ABCC4: variants seen among roughly 807,000 people sequenced by gnomAD.
ABCC4 encodes ATP binding cassette subfamily C member 4 (PEL blood group).
A neutral mutation model predicts 168.5 loss-of-function variants in ABCC4; 102 were observed. That is an observed-to-expected ratio of 0.61 (90% CI 0.52 to 0.71). The LOEUF (loss-of-function observed/expected upper bound fraction) is 0.71. ABCC4 is among the 30% of genes least tolerant of loss of function. The pLI is 0.00. For synonymous variants in ABCC4, 617 were observed against 590.7 expected (o/e 1.04, Z -0.65); for missense variants, 1,402 against 1,605.8 (o/e 0.87, Z 2.17).
chr13:95,158,606 C>T (rs2036960296), intron 19 of ABCC4, among the ~76,000 whole-genome samples: 1 of 152,188 alleles, frequency 6.6e-6, no homozygotes, highest in East Asian at 1.9e-4. Context: ...CTTTTAATAA[C>T]TAAGTATTCA....
intron 19 of ABCC4, among the ~76,000 whole-genome samples, chr13:95,133,540 A>T (rs2139458873): frequency 6.6e-6 from 1 of 152,188 alleles, no homozygotes; most frequent in South Asian, 2.1e-4. Flanking sequence ...CTCAGCACCC[A>T]ATTTGCCTGG....
intron 8 of ABCC4, among the ~76,000 whole-genome samples, chr13:95,206,290 C>T (rs986739354): frequency 3.3e-5 from 5 of 152,204 alleles, no homozygotes; most frequent in Admixed American, 2.0e-4. Flanking sequence ...ACCACCTGTA[C>T]ATCAAAAGCC....
rs190759847 is a variant in ABCC4 at position 95,248,461 on chromosome 13, A to G, written c.75-708T>C. Among the ~76,000 whole-genome samples, 6 of 152,348 alleles carry G rather than the reference A, an allele frequency of 3.9e-5. 1 individual carries two copies. The highest frequency in any genetic ancestry group is 3.9e-4 in the Admixed American group (6 of 15,304). On this transcript the variant is annotated intron_variant, in intron 1 of 30. Coordinates refer to ENST00000645237, the MANE Select transcript of ABCC4 (RefSeq NM_005845.5). Reference sequence around the variant, plus strand: ...CGAAAGGACAAAATAGTAATCTTGCAGAGGACAGAAAGAACTTATTCAAAT... The same window carrying G: ...CGAAAGGACAAAATAGTAATCTTGCGGAGGACAGAAAGAACTTATTCAAAT...
At chr13:95,117,506 C>G (rs926521081) in intron 19 of ABCC4, among the ~76,000 whole-genome samples, 3 of 141,548 alleles carry the variant, frequency 2.1e-5, no homozygotes, top group African/African-American at 8.2e-5. Context: ...GGCAAGAGGT[C>G]AGGCTATTAT....
intron 1 of ABCC4, among the ~76,000 whole-genome samples, chr13:95,281,032 A>G (rs1267761368): frequency 6.6e-6 from 1 of 152,032 alleles, no homozygotes; most frequent in East Asian, 1.9e-4. Flanking sequence ...ACTGGATGCT[A>G]AGAACTTGCA....
At chr13:95,105,539 G>A (rs146984287) in intron 20 of ABCC4, among the ~76,000 whole-genome samples, 1,529 of 152,294 alleles carry the variant, frequency 0.01, 26 homozygotes, top group African/African-American at 0.034. Flanking sequence ...TCACTCAAAT[G>A]TGCATAAAGC....
At chr13:95,114,247 T>C (rs973334054) in intron 20 of ABCC4, among the ~76,000 whole-genome samples, 2 of 152,132 alleles carry the variant, frequency 1.3e-5, no homozygotes, top group African/African-American at 4.8e-5. Flanking sequence ...TTCTAAGAAA[T>C]GTTTTATATT....
intron 9 of ABCC4, among the ~76,000 whole-genome samples, chr13:95,191,363 C>T (rs952143871): frequency 1.2e-4 from 18 of 152,306 alleles, no homozygotes; most frequent in South Asian, 4.1e-4. Flanking sequence ...CAGACCAAAA[C>T]GATCATGATC....
In ABCC4 at chr13:95,044,370, G is replaced by A; in HGVS notation, c.3525C>T (p.Ser1175=). The part of the protein sequence containing the change: ...KMDTELAESG[S]NFSVGQRQLV... ...GTTGTCTTTGTCCAACACTAAAATT[G>A]GATCCTGATTCTGCTAATTCAGTAT... Residue 1175 remains serine (S), a synonymous_variant, in exon 28 of 31, where the codon TCC becomes TCT. Coordinates refer to ENST00000645237, the MANE Select transcript of ABCC4 (RefSeq NM_005845.5). 1.2e-6 allele frequency: 2 copies of A among 1,613,674 alleles called. No homozygotes were observed. The highest frequency in any genetic ancestry group is 1.7e-6 in the Non-Finnish European group (2 of 1,179,828).
intron 27 of ABCC4, among the ~76,000 whole-genome samples, chr13:95,049,014 G>T (rs373228988): frequency 1.3e-4 from 20 of 152,032 alleles, no homozygotes; most frequent in African/African-American, 4.8e-4. Flanking sequence ...CAGTATTTAC[G>T]ATAACTTTCA....
chr13:95,204,411 G>C (rs2038722165), intron 8 of ABCC4, among the ~76,000 whole-genome samples: 1 of 151,522 alleles, frequency 6.6e-6, no homozygotes, highest in Non-Finnish European at 1.5e-5. Flanking sequence ...TCAAGGGTGG[G>C]ACCAGGTGGA....
intron 29 of ABCC4, among the ~76,000 whole-genome samples, chr13:95,037,132 T>C (rs2032159779): frequency 7.1e-6 from 1 of 141,528 alleles, no homozygotes; most frequent in South Asian, 2.3e-4. Context: ...CCCCCAAATA[T>C]AGTATCTTAT....
chr13:95,182,484 C>T (rs1350146662), intron 11 of ABCC4, among the ~76,000 whole-genome samples: 1 of 152,104 alleles, frequency 6.6e-6, no homozygotes, highest in African/African-American at 2.4e-5. Flanking sequence ...TATAGAAACC[C>T]TATATAAATA....
At chr13:95,239,757 C>A (rs9590210) in intron 3 of ABCC4, among the ~76,000 whole-genome samples, 6,558 of 146,798 alleles carry the variant, frequency 0.045, 470 homozygotes, top group African/African-American at 0.15. Flanking sequence ...TTTTGAAAAT[C>A]GGTTTTAAAA....
intron 1 of ABCC4, among the ~76,000 whole-genome samples, chr13:95,273,848 T>C (rs7999418): frequency 0.9 from 127,302 of 142,172 alleles, 57,121 homozygotes; most frequent in East Asian, 0.95. Context: ...GACGGAGTCT[T>C]GCTGTTGCCC....
intron 3 of ABCC4, among the ~76,000 whole-genome samples, chr13:95,242,508 G>A (rs1471096766): frequency 6.6e-6 from 1 of 151,806 alleles, no homozygotes; most frequent in Non-Finnish European, 1.5e-5. Context: ...TTACAGGCGT[G>A]AGCCACTGCG....
chr13:95,262,781 C>T (rs943160723), intron 1 of ABCC4, among the ~76,000 whole-genome samples: 8 of 152,190 alleles, frequency 5.3e-5, no homozygotes, highest in East Asian at 1.9e-4. Flanking sequence ...TACAGGCACA[C>T]GCCACCATGC....
rs2041358814 is a variant in ABCC4 at position 95,290,133 on chromosome 13, T to TAGATAGAC, written c.74+11107_74+11108insGTCTATCT. Among the ~76,000 whole-genome samples the TAGATAGAC allele has an allele frequency of 2.0e-5, 3 of 151,444 alleles. 1 individual carries two copies. The South Asian group carries it at 6.2e-4, about 32-fold the overall frequency. ...ATAGATAGATAGATAGATAGATAGA[T>TAGATAGAC]AGATAGATAGATAGATGATAGATAG... On this transcript the variant is annotated intron_variant, in intron 1 of 30. Transcript: ENST00000645237.
intron 19 of ABCC4, among the ~76,000 whole-genome samples, chr13:95,140,430 TG>T (rs2036282141): frequency 3.3e-5 from 5 of 152,218 alleles, no homozygotes; most frequent in African/African-American, 1.2e-4. Flanking sequence ...CACCAAAAAC[TG>T]TACCAGGGTA....
Sources: allele counts gnomAD v4.1 joint callset (sites outside exome capture counted in the v4.1 genomes callset), GRCh38; gene constraint gnomAD v4.1.1; transcripts MANE v1.5; gene names NCBI Gene and HGNC (gene_info 2026-07-23, HGNC 2026-07-21).